ENOX1: variants seen among roughly 807,000 people sequenced by gnomAD.
ENOX1 encodes ecto-NOX disulfide-thiol exchanger 1, also known as candidate growth-related and time keeping constitutive hydroquinone (NADH) oxidase.
In ENOX1, 42 loss-of-function variants were observed where a neutral mutation model predicts 82.5. That is an observed-to-expected ratio of 0.51 (90% CI 0.40 to 0.66). The LOEUF (loss-of-function observed/expected upper bound fraction) is 0.66. ENOX1 is among the 30% of genes least tolerant of loss of function. The pLI is 0.00. For missense variants in ENOX1, 608 were observed against 811.6 expected, an observed-to-expected ratio of 0.75 and a Z score of 3.05; for synonymous variants, 271 against 282.2, an observed-to-expected ratio of 0.96 and a Z score of 0.40.
intron 12 of ENOX1, among the ~76,000 whole-genome samples, chr13:43,276,717 A>G (rs1262180275): frequency 6.6e-6 from 1 of 152,278 alleles, no homozygotes; most frequent in Non-Finnish European, 1.5e-5. Context: ...CCTAAGAGCA[A>G]GGCTTTGCCT....
At chr13:43,457,842 A>G (rs1034389776) in intron 3 of ENOX1, among the ~76,000 whole-genome samples, 2 of 152,166 alleles carry the variant, frequency 1.3e-5, no homozygotes, top group Admixed American at 1.3e-4. Flanking sequence ...TCACAATTAC[A>G]TGTCCAGACC....
At chr13:43,690,867 T>G (rs1016396047) in intron 1 of ENOX1, among the ~76,000 whole-genome samples, 2 of 152,196 alleles carry the variant, frequency 1.3e-5, no homozygotes, top group African/African-American at 4.8e-5. Flanking sequence ...ATATATAGTT[T>G]AGAAGATTTT....
At chr13:43,304,973 G>T (rs200400883) in intron 11 of ENOX1, among the ~76,000 whole-genome samples, 2 of 1,262 alleles carry the variant, frequency 1.6e-3, no homozygotes, top group Non-Finnish European at 0.053. Flanking sequence ...ACTCCTCTGC[G>T]TTATGCTGAC....
At position 43,484,068 on chromosome 13, in the gene ENOX1, T is replaced by C. The variant is rs2058603860; in HGVS notation, c.-134A>G. The C allele has an allele frequency of 6.1e-6, 6 of 985,416 alleles. No individual in the cohort carries two copies. Among genetic ancestry groups the C allele is most frequent in the South Asian group, 9.4e-5 (2 of 21,282 alleles). 61.0% of individuals were successfully genotyped at this position (985,416 alleles called of 1,614,324 possible). ...TTCTCTGGGGACTTGATTGAAACCA[T>C]GTATTCATAAAAGTCTTTTAAATGG... is the stretch of plus-strand genomic sequence containing the variant. On this transcript the variant is annotated 5_prime_UTR_variant, in exon 3 of 17. An upstream start codon of the reference 5' UTR is lost. Transcript: ENST00000690772.
intron 12 of ENOX1, among the ~76,000 whole-genome samples, chr13:43,277,324 G>A (rs1365826532): frequency 6.6e-6 from 1 of 152,192 alleles, no homozygotes; most frequent in African/African-American, 2.4e-5. Context: ...GATGGTGGGA[G>A]CATGGCCCTG....
chr13:43,413,418 T>C (rs1233277971), intron 3 of ENOX1, among the ~76,000 whole-genome samples: 1 of 151,938 alleles, frequency 6.6e-6, no homozygotes, highest in Non-Finnish European at 1.5e-5. Context: ...AAGATGGTCG[T>C]CTGTGGAATG....
At chr13:43,606,686 G>T (rs1299943253) in intron 2 of ENOX1, among the ~76,000 whole-genome samples, 1 of 152,096 alleles carries the variant, frequency 6.6e-6, no homozygotes, top group Middle Eastern at 3.4e-3. Flanking sequence ...AGTAGTTAAT[G>T]GGTACAAAAA....
At chr13:43,728,767 T>C (rs756862950) in intron 1 of ENOX1, among the ~76,000 whole-genome samples, 1 of 152,320 alleles carries the variant, frequency 6.6e-6, no homozygotes, top group South Asian at 2.1e-4. Context: ...CTAACTCCTT[T>C]GGGGTGAGAT....
intron 2 of ENOX1, among the ~76,000 whole-genome samples, chr13:43,638,441 TA>T (rs1445711576): frequency 5.3e-5 from 8 of 152,064 alleles, no homozygotes; most frequent in South Asian, 2.1e-4. Flanking sequence ...TTTGACCCCC[TA>T]ATTCAGAGAA....
At chr13:43,752,141 T>C (rs540056731) in intron 1 of ENOX1, among the ~76,000 whole-genome samples, 1 of 152,360 alleles carries the variant, frequency 6.6e-6, no homozygotes, top group South Asian at 2.1e-4. Flanking sequence ...TTAATCATGT[T>C]GAGCATCTTC....
Position 43,316,402 on chromosome 13 carries a change from T to C in ENOX1, c.1261+5982A>G, listed in dbSNP as rs369510225. Reference sequence around the variant, plus strand: ...AAAATACCAGATTATGGAAAGTTTGTGCACATATGAGAGAGATGTCAAGAA... The same window carrying C: ...AAAATACCAGATTATGGAAAGTTTGCGCACATATGAGAGAGATGTCAAGAA... On this transcript the variant is annotated intron_variant, in intron 11 of 16. Transcript: ENST00000690772. Among the ~76,000 whole-genome samples, 51 of 152,336 alleles carry C rather than the reference T, an allele frequency of 3.3e-4. No individual in the cohort carries two copies. In the East Asian group the frequency reaches 9.4e-3, roughly 28 times the overall value.
At chr13:43,542,716 G>A (rs976073488) in intron 2 of ENOX1, among the ~76,000 whole-genome samples, 2 of 152,124 alleles carry the variant, frequency 1.3e-5, no homozygotes, top group Admixed American at 6.5e-5. Flanking sequence ...GATTACAGGC[G>A]TGAGCCACGG....
intron 2 of ENOX1, chr13:43,546,896 C>T (rs932615732): frequency 6.6e-6 from 1 of 152,182 alleles, no homozygotes; most frequent in Admixed American, 6.5e-5. Flanking sequence ...CTTGCCAAGT[C>T]CTGTTCATTG....
At chr13:43,436,672 T>C (rs1481712837) in intron 3 of ENOX1, among the ~76,000 whole-genome samples, 4 of 152,168 alleles carry the variant, frequency 2.6e-5, no homozygotes, top group Non-Finnish European at 5.9e-5. Flanking sequence ...AGAAAGTTAC[T>C]ATACAGCTTG....
At chr13:43,564,701 A>G (rs2079842359) in intron 2 of ENOX1, among the ~76,000 whole-genome samples, 1 of 151,972 alleles carries the variant, frequency 6.6e-6, no homozygotes, top group Non-Finnish European at 1.5e-5. Context: ...TTTGCTCTCA[A>G]TTAATAAACT....
chr13:43,683,450 T>C (rs907141779), intron 1 of ENOX1, among the ~76,000 whole-genome samples: 1 of 152,108 alleles, frequency 6.6e-6, no homozygotes, highest in African/African-American at 2.4e-5. Flanking sequence ...CCCAATGAGA[T>C]GCAGGGCAGA....
intron 5 of ENOX1, among the ~76,000 whole-genome samples, chr13:43,407,604 T>C (rs2053875811): frequency 6.6e-6 from 1 of 152,150 alleles, no homozygotes; most frequent in South Asian, 2.1e-4. Flanking sequence ...TAAATTAAGT[T>C]AGGAATTGTA....
chr13:43,588,899 T>A (rs1196603320), intron 2 of ENOX1, among the ~76,000 whole-genome samples: 1 of 152,200 alleles, frequency 6.6e-6, no homozygotes, highest in Non-Finnish European at 1.5e-5. Context: ...TGGTGTCTCT[T>A]AACCATATGC....
chr13:43,522,695 G>GACCCT (rs1269579061), intron 2 of ENOX1, among the ~76,000 whole-genome samples: 1 of 152,110 alleles, frequency 6.6e-6, no homozygotes, highest in African/African-American at 2.4e-5. Context: ...TTTTCATGCA[G>GACCCT]ACCCTTGTGC....
Sources: allele counts gnomAD v4.1 joint callset (sites outside exome capture counted in the v4.1 genomes callset), GRCh38; gene constraint gnomAD v4.1.1; transcripts MANE v1.5; gene names NCBI Gene and HGNC (gene_info 2026-07-23, HGNC 2026-07-21).